Variants in PCP4L1 observed in about 807,000 individuals in gnomAD.
The protein encoded by PCP4L1 is Purkinje cell protein 4 like 1.
A neutral mutation model predicts 9.6 loss-of-function variants in PCP4L1; 9 were observed. That is an observed-to-expected ratio of 0.94 (90% confidence interval 0.57 to 1.64). The LOEUF is 1.64. Ranked by LOEUF, PCP4L1 falls within the 40% of genes most tolerant of loss-of-function variation. The pLI is 0.00. For missense variants in PCP4L1, 81 were observed against 80.8 expected (o/e 1.00, Z -0.01); for synonymous variants, 31 against 28.2 (o/e 1.10, Z -0.31).
rs372556869 is a variant in PCP4L1, at chr1:161,262,153, G to A, written c.9+3170G>A. Among the ~76,000 whole-genome samples, 12 of 151,968 alleles carry A rather than the reference G, an allele frequency of 7.9e-5. No individual in the cohort carries two copies. The South Asian group carries it at 2.3e-3, about 29-fold the overall frequency. On this transcript the variant is annotated intron_variant, in intron 1 of 2. Coordinates refer to ENST00000504449, the MANE Select transcript of PCP4L1 (RefSeq NM_001102566.2). Reference sequence around the variant, plus strand: ...TACTGCTATTGAAATGCCTTCTACCGGCCAGGCGCGGTGGCTCACGCGTGT... The same window carrying A: ...TACTGCTATTGAAATGCCTTCTACCAGCCAGGCGCGGTGGCTCACGCGTGT...
chr1:161,284,461 A>G lies in PCP4L1; in HGVS notation c.187A>G (p.Lys63Glu). The stretch of plus-strand genomic sequence containing the variant: ...CAAGTTCCGGCGATTTCAGAAAAGG[A>G]AAAAGGATCCCAGCTCCTGAATGGC... Reference protein sequence around the residue: ...QGKFRRFQKRKKDPSS With the variant: ...QGKFRRFQKREKDPSS Residue 63 changes from lysine (K) to glutamate (E), a missense_variant, in exon 3 of 3, where the codon AAA becomes GAA. Transcript: ENST00000504449. The G allele has an allele frequency of 1.2e-6, 2 of 1,613,650 alleles. No homozygotes were observed. Among genetic ancestry groups the G allele is most frequent in the Non-Finnish European group, 1.7e-6 (2 of 1,179,718 alleles).
intron 1 of PCP4L1, among the ~76,000 whole-genome samples, chr1:161,275,515 C>CAAAAA (rs11302998): frequency 5.4e-5 from 5 of 91,882 alleles, no homozygotes; most frequent in Admixed American, 2.4e-4. Flanking sequence ...GACTCCGTCT[C>CAAAAA]AAAAAAAAAA....
At chr1:161,277,654 T>A (rs752944783) in intron 1 of PCP4L1, among the ~76,000 whole-genome samples, 23 of 152,206 alleles carry the variant, frequency 1.5e-4, no homozygotes, top group Non-Finnish European at 3.1e-4. Context: ...CTTTGTGCTA[T>A]CTGGTAATCC....
In PCP4L1 at chr1:161,283,692, A is replaced by G; in HGVS notation, c.34A>G (p.Thr12Ala). The G allele has an allele frequency of 6.2e-7, 1 of 1,605,694 alleles. No homozygotes were observed. Among genetic ancestry groups the G allele is most frequent in the East Asian group, 2.2e-5 (1 of 44,720 alleles). The change falls in exon 2 of 3, where the codon ACC becomes GCC. Residue 12 changes from threonine to alanine, a missense_variant. Physicochemically the swap from Thr to Ala is moderately conservative, Grantham distance 58. Coordinates refer to ENST00000504449, the MANE Select transcript of PCP4L1 (RefSeq NM_001102566.2). ...GCTTAATACCAAAACATCCCCAGCAACCAACCAGGCAGCTGGCCAAGAGGA... is the reference window on the plus strand; with the variant it reads ...GCTTAATACCAAAACATCCCCAGCAGCCAACCAGGCAGCTGGCCAAGAGGA... ...SELNTKTSPA[T>A]NQAAGQEEKG...
In PCP4L1 at chr1:161,259,079, C is replaced by T. The variant is rs1020129796; in HGVS notation, c.9+96C>T. Reference sequence around the variant, plus strand: ...GGAGGCGAGGGAGAGCGAGGCAGACCGGAGCCGCGAAGAACCCTCCAGGGG... The same window carrying T: ...GGAGGCGAGGGAGAGCGAGGCAGACTGGAGCCGCGAAGAACCCTCCAGGGG... On this transcript the variant is annotated intron_variant, in intron 1 of 2. Transcript: ENST00000504449. 2.0e-5 allele frequency: 29 copies of T among 1,475,204 alleles called. No individual in the cohort carries two copies. The African/African-American group carries it at 3.4e-4, about 17-fold the overall frequency. 91.4% of individuals were successfully genotyped at this position (1,475,204 alleles called of 1,614,324 possible).
In PCP4L1 at chr1:161,258,996, GC is replaced by G. The variant is rs951143364; in HGVS notation, c.9+18del. ...GGAGATGAGCGAGGTGAGCGGTGCGGCCCCCGGCGCTGTCGGCAGGGCTGCG... is the reference window on the plus strand; with the variant it reads ...GGAGATGAGCGAGGTGAGCGGTGCGGCCCCGGCGCTGTCGGCAGGGCTGCG... On this transcript the variant is annotated intron_variant, in intron 1 of 2. Transcript: ENST00000504449. 1.3e-6 allele frequency: 2 copies of G among 1,531,354 alleles called. No individual in the cohort carries two copies. Among genetic ancestry groups the G allele is most frequent in the South Asian group, 1.2e-5 (1 of 83,774 alleles). 94.9% of individuals were successfully genotyped at this position (1,531,354 alleles called of 1,614,324 possible).
chr1:161,273,629 G>C (rs535617841), intron 1 of PCP4L1, among the ~76,000 whole-genome samples: 1 of 152,308 alleles, frequency 6.6e-6, no homozygotes, highest in East Asian at 1.9e-4. Context: ...GGCTCTGGGA[G>C]TAAAGAATGT....
chr1:161,263,588 C>CTT (rs11355401), intron 1 of PCP4L1, among the ~76,000 whole-genome samples: 1,421 of 141,808 alleles, frequency 0.01, 28 homozygotes, highest in African/African-American at 0.034. Flanking sequence ...ATTTCAAGTA[C>CTT]TTTTTTTTTT....
intron 1 of PCP4L1, among the ~76,000 whole-genome samples, chr1:161,270,952 A>T (rs1223642365): frequency 6.6e-6 from 1 of 152,024 alleles, no homozygotes; most frequent in African/African-American, 2.4e-5. Flanking sequence ...AAAGATGGCC[A>T]TCTACATATG....
intron 1 of PCP4L1, among the ~76,000 whole-genome samples, chr1:161,260,191 T>A (rs1173601172): frequency 4.2e-5 from 6 of 143,192 alleles, no homozygotes. Context: ...AAAATGAAGA[T>A]CTCTATGACT....
chr1:161,258,886 G>T lies in PCP4L1; in HGVS notation c.-89G>T, dbSNP rs1008766300. 6.6e-7 allele frequency: 1 copy of T among 1,525,738 alleles called. No individual in the cohort carries two copies. Among genetic ancestry groups the T allele is most frequent in the South Asian group, 1.2e-5 (1 of 83,782 alleles). The allele number at this position is 1,525,738 out of a possible 1,614,324, so 94.5% of individuals were successfully genotyped here. ...GCTGTAACCCCTGCCGCAGAGCCCG[G>T]CAACTTTCAGCTGTCGCCCGCGGAG... On this transcript the variant is annotated 5_prime_UTR_variant, in exon 1 of 3. Transcript: ENST00000504449.
intron 1 of PCP4L1, among the ~76,000 whole-genome samples, chr1:161,280,197 T>C (rs2102241085): frequency 6.6e-6 from 1 of 152,320 alleles, no homozygotes; most frequent in African/African-American, 2.4e-5. Context: ...TTACATATTT[T>C]ACTTCAAAAT....
chr1:161,269,271 C>A (rs1265225887), intron 1 of PCP4L1, among the ~76,000 whole-genome samples: 2 of 152,080 alleles, frequency 1.3e-5, no homozygotes, highest in South Asian at 2.1e-4. Flanking sequence ...GGGGGTAAGA[C>A]ATTACCTGTA....
At chr1:161,261,162 C>T (rs139020199) in intron 1 of PCP4L1, among the ~76,000 whole-genome samples, 16 of 152,248 alleles carry the variant, frequency 1.1e-4, no homozygotes, top group Admixed American at 2.6e-4. Context: ...TTGAATCTTA[C>T]GTAAGTTTCA....
chr1:161,269,015 T>C (rs1354828294), intron 1 of PCP4L1, among the ~76,000 whole-genome samples: 1 of 152,236 alleles, frequency 6.6e-6, no homozygotes, highest in Non-Finnish European at 1.5e-5. Context: ...GTCTGACTAG[T>C]GTGCCACATT....
chr1:161,278,217 C>T (rs1558145608), intron 1 of PCP4L1, among the ~76,000 whole-genome samples: 1 of 152,150 alleles, frequency 6.6e-6, no homozygotes, highest in Non-Finnish European at 1.5e-5. Context: ...TTTGATAGAG[C>T]TCTCTGTACT....
intron 1 of PCP4L1, among the ~76,000 whole-genome samples, chr1:161,259,490 G>A (rs886946969): frequency 2.0e-5 from 3 of 152,190 alleles, no homozygotes; most frequent in African/African-American, 7.2e-5. Context: ...AGTCAGGAAC[G>A]TTGGAGGGAC....
intron 1 of PCP4L1, among the ~76,000 whole-genome samples, chr1:161,274,773 T>A (rs1169548235): frequency 1.3e-5 from 2 of 151,850 alleles, no homozygotes; most frequent in Non-Finnish European, 2.9e-5. Flanking sequence ...AACAACTAAA[T>A]CCAGAAGAGT....
intron 1 of PCP4L1, among the ~76,000 whole-genome samples, chr1:161,281,356 G>A (rs1669793142): frequency 6.6e-6 from 1 of 152,168 alleles, no homozygotes; most frequent in Non-Finnish European, 1.5e-5. Flanking sequence ...GAGCTGTTGG[G>A]TACACCTCCC....
Sources: gnomAD v4.1 joint callset for allele counts (sites outside exome capture counted in the v4.1 genomes callset) on GRCh38, gnomAD v4.1.1 for gene constraint, MANE v1.5 for transcripts, NCBI Gene and HGNC (gene_info 2026-07-23, HGNC 2026-07-21) for gene names.